The following TMEM109 variants were observed in gnomAD, a reference collection of about 807,000 sequenced individuals.
TMEM109 encodes the protein voltage-gated monoatomic cation channel TMEM109.
In TMEM109, 19 loss-of-function variants were observed where a neutral mutation model predicts 26.4. The observed-to-expected ratio is 0.72, with a 90% CI of 0.50 to 1.06. The LOEUF is 1.06. Ranked by LOEUF, TMEM109 falls within the 50% of genes least tolerant of loss-of-function variation. The probability of loss-of-function intolerance (pLI) is 0.00; values close to 1 mark genes in which losing one functional copy is unlikely to be tolerated. For synonymous variants in TMEM109, 129 were observed against 142.0 expected (o/e 0.91, Z 0.65); for missense variants, 262 against 303.4 (o/e 0.86, Z 1.01).
chr11:60,922,733 G>C lies in TMEM109; in HGVS notation c.*568G>C, dbSNP rs976635077. On this transcript the variant is annotated 3_prime_UTR_variant, in exon 4 of 4. Transcript: ENST00000227525. Reference sequence around the variant, plus strand: ...CTGAGGATAAAGGGTGGGGAAACAGGGTCCCCTGAGGCCTGTGGGGGCTGC... The same window carrying C: ...CTGAGGATAAAGGGTGGGGAAACAGCGTCCCCTGAGGCCTGTGGGGGCTGC... 4 of 217,884 alleles carry C rather than the reference G, an allele frequency of 1.8e-5. No homozygotes were observed. The highest frequency in any genetic ancestry group is 2.8e-5 in the Non-Finnish European group (3 of 106,294). The allele number at this position is 217,884 out of a possible 1,614,324, so 13.5% of individuals were successfully genotyped here. A position where few individuals can be genotyped will look rare whatever the true frequency, so the allele number is the denominator to read the frequency against.
In TMEM109 at chr11:60,922,087, G is replaced by A. The variant is rs758940540; in HGVS notation, c.654G>A (p.Gly218=). ...SGAQLEAKVR[G]LERQVEELRW... is the part of the protein sequence containing the mutation. ...CCCAACTCGAGGCCAAGGTGCGAGGGCTGGAACGCCAGGTGGAGGAGCTGC... is the reference window on the plus strand; with the variant it reads ...CCCAACTCGAGGCCAAGGTGCGAGGACTGGAACGCCAGGTGGAGGAGCTGC... Residue 218 remains glycine (G), a synonymous_variant, in exon 4 of 4, where the codon GGG becomes GGA. Transcript: ENST00000227525. 5.6e-6 allele frequency: 9 copies of A among 1,613,232 alleles called. No homozygotes were observed. The South Asian group carries it at 9.9e-5, about 18-fold the overall frequency.
In TMEM109 at chr11:60,920,161, A is replaced by G. The variant is rs149746201; in HGVS notation, c.237+231A>G. Among the ~76,000 whole-genome samples, 198 of 152,310 alleles carry G rather than the reference A, an allele frequency of 1.3e-3. 3 individuals are homozygous for G. The highest frequency in any genetic ancestry group is 4.6e-3 in the African/African-American group (190 of 41,558). ...TCCTGGCTCCTGCCCTTTCCTTGCCAGAAAGGCTGGGAAATGAGCCATCTT... is the reference window on the plus strand; with the variant it reads ...TCCTGGCTCCTGCCCTTTCCTTGCCGGAAAGGCTGGGAAATGAGCCATCTT... On this transcript the variant is annotated intron_variant, in intron 2 of 3. Coordinates refer to ENST00000227525, the MANE Select transcript of TMEM109 (RefSeq NM_024092.3).
At chr11:60,917,485 T>G (rs1275933415) in intron 1 of TMEM109, among the ~76,000 whole-genome samples, 1 of 152,238 alleles carries the variant, frequency 6.6e-6, no homozygotes, top group African/African-American at 2.4e-5. Flanking sequence ...GTGTACTTTT[T>G]CTTGGCTGAT....
In TMEM109 at chr11:60,922,332, TC is replaced by T. The variant is rs1856254992; in HGVS notation, c.*172del. The T allele has an allele frequency of 1.3e-6, 2 of 1,536,164 alleles. No individual in the cohort carries two copies. Among genetic ancestry groups the T allele is most frequent in the Non-Finnish European group, 8.7e-7 (1 of 1,146,488 alleles). ...GCCAAGAGAAACAGAGAAAGACCAT[TC>T]CCCCTGCCTGTCCTTGCGGCCCTGT... On this transcript the variant is annotated 3_prime_UTR_variant, in exon 4 of 4. Transcript: ENST00000227525.
chr11:60,918,286 C>T lies in TMEM109; in HGVS notation c.-8-1400C>T, dbSNP rs76520719. Among the ~76,000 whole-genome samples, 282 of 152,286 alleles carry T rather than the reference C, an allele frequency of 1.9e-3. 2 individuals are homozygous for T. The highest frequency in any genetic ancestry group is 6.6e-3 in the African/African-American group (274 of 41,536). On this transcript the variant is annotated intron_variant, in intron 1 of 3. Transcript: ENST00000227525. ...ATTTTCTGCTTCCTATAACAGAATG[C>T]CACTGCCTGCGTAGTTTATAATGAA...
At chr11:60,921,678 A>G in intron 3 of TMEM109, 96 bp from the exon 4 acceptor site, 7 of 893,418 alleles carry the variant, frequency 7.8e-6, no homozygotes, top group Admixed American at 2.2e-5. Context: ...ATTCCTTTGC[A>G]ATGTGCCTAG....
intron 1 of TMEM109, among the ~76,000 whole-genome samples, chr11:60,914,631 C>G (rs1442680411): frequency 6.6e-6 from 1 of 152,232 alleles, no homozygotes; most frequent in East Asian, 1.9e-4. Flanking sequence ...CTTCGGGGGG[C>G]CCCAAACTCA....
Position 60,919,876 on chromosome 11 carries a change from G to A in TMEM109, c.183G>A (p.Val61=), listed in dbSNP as rs747946672. The A allele has an allele frequency of 2.5e-6, 4 of 1,614,232 alleles. No homozygotes were observed. In the Admixed American group the frequency reaches 6.7e-5, roughly 27 times the overall value. Residue 61 remains valine (V), a synonymous_variant, in exon 2 of 4, where the codon GTG becomes GTA. Transcript: ENST00000227525. ...VDVLTQIGRS[V]RGTLDAWIGP... ...TCTTGACCCAGATAGGTCGATCTGTGCGAGGGACACTGGATGCCTGGATTG... is the reference window on the plus strand; with the variant it reads ...TCTTGACCCAGATAGGTCGATCTGTACGAGGGACACTGGATGCCTGGATTG...
Position 60,919,831 on chromosome 11 carries a change from G to T in TMEM109, c.138G>T (p.Lys46Asn). 1 of 1,614,214 alleles carries T rather than the reference G, an allele frequency of 6.2e-7. No homozygotes were observed. Among genetic ancestry groups the T allele is most frequent in the Non-Finnish European group, 8.5e-7 (1 of 1,180,040 alleles). The change falls in exon 2 of 4, where the codon AAG becomes AAT. Residue 46 changes from lysine to asparagine, a missense_variant. Coordinates refer to ENST00000227525, the MANE Select transcript of TMEM109 (RefSeq NM_024092.3). ...RRDFAPPGQQ[K>N]REAPVDVLTQ... Reference sequence around the variant, plus strand: ...ACTTTGCACCACCAGGCCAACAGAAGAGAGAAGCCCCAGTTGATGTCTTGA... The same window carrying T: ...ACTTTGCACCACCAGGCCAACAGAATAGAGAAGCCCCAGTTGATGTCTTGA...
In TMEM109 at chr11:60,922,021, C is replaced by T. The variant is rs985033779; in HGVS notation, c.588C>T (p.Tyr196=). 14 of 1,612,910 alleles carry T rather than the reference C, an allele frequency of 8.7e-6. No homozygotes were observed. The highest frequency in any genetic ancestry group is 3.3e-5 in the Admixed American group (2 of 60,016). The part of the protein sequence containing the change: ...ALLLLALLIL[Y]ALLSRLTGSR... ...TACTCCTGGCCTTGCTGATCCTCTA[C>T]GCCCTGCTGAGCCGGCTCACTGGCT... The change falls in exon 4 of 4, where the codon TAC becomes TAT. Residue 196 remains tyrosine, a synonymous_variant. Transcript: ENST00000227525.
chr11:60,914,982 C>T (rs1034123802), intron 1 of TMEM109, among the ~76,000 whole-genome samples: 5 of 152,244 alleles, frequency 3.3e-5, no homozygotes, highest in African/African-American at 4.8e-5. Context: ...AAATAACCTC[C>T]CTCCTCACCT....
At position 60,922,483 on chromosome 11, in the gene TMEM109, C is replaced by G; in HGVS notation, c.*318C>G. The G allele has an allele frequency of 2.1e-6, 2 of 932,694 alleles. No individual in the cohort carries two copies. The highest frequency in any genetic ancestry group is 3.0e-5 in the South Asian group (2 of 65,916). The allele number at this position is 932,694 out of a possible 1,614,324, so 57.8% of individuals were successfully genotyped here. A position where few individuals can be genotyped will look rare whatever the true frequency, so the allele number is the denominator to read the frequency against. On this transcript the variant is annotated 3_prime_UTR_variant, in exon 4 of 4. Coordinates refer to ENST00000227525, the MANE Select transcript of TMEM109 (RefSeq NM_024092.3). Reference sequence around the variant, plus strand: ...CATCTGCGCCAGCAAACATCACTGCCGTTGGTCTCTCATGACTTAACTGGC... The same window carrying G: ...CATCTGCGCCAGCAAACATCACTGCGGTTGGTCTCTCATGACTTAACTGGC...
chr11:60,922,349 G>T lies in TMEM109; in HGVS notation c.*184G>T. The T allele has an allele frequency of 1.3e-6, 2 of 1,534,902 alleles. No individual in the cohort carries two copies. The highest frequency in any genetic ancestry group is 1.7e-6 in the Non-Finnish European group (2 of 1,146,188). On this transcript the variant is annotated 3_prime_UTR_variant, in exon 4 of 4. Coordinates refer to ENST00000227525, the MANE Select transcript of TMEM109 (RefSeq NM_024092.3). Reference sequence around the variant, plus strand: ...AAGACCATTCCCCCTGCCTGTCCTTGCGGCCCTGTCTTCTGAGGTTCTCTG... The same window carrying T: ...AAGACCATTCCCCCTGCCTGTCCTTTCGGCCCTGTCTTCTGAGGTTCTCTG...
At chr11:60,915,191 G>A (rs150433412) in intron 1 of TMEM109, among the ~76,000 whole-genome samples, 2,509 of 152,346 alleles carry the variant, frequency 0.016, 26 homozygotes, top group Non-Finnish European at 0.024. Flanking sequence ...CAGTGGTAAT[G>A]TGTGTGCTGC....
At chr11:60,921,133 C>A in intron 3 of TMEM109, 145 bp downstream of exon 3, 1 of 691,366 alleles carries the variant, frequency 1.4e-6, no homozygotes, top group Non-Finnish European at 2.4e-6. Context: ...AAAGAGCAAG[C>A]CAAGAACTAC....
In TMEM109 at chr11:60,922,622, T is replaced by G. The variant is rs1856260091; in HGVS notation, c.*457T>G. The G allele has an allele frequency of 5.8e-6, 2 of 347,578 alleles. No homozygotes were observed. Among genetic ancestry groups the G allele is most frequent in the African/African-American group, 2.1e-5 (1 of 46,682 alleles). 21.5% of individuals were successfully genotyped at this position (347,578 alleles called of 1,614,324 possible). On this transcript the variant is annotated 3_prime_UTR_variant, in exon 4 of 4. Coordinates refer to ENST00000227525, the MANE Select transcript of TMEM109 (RefSeq NM_024092.3). Reference sequence around the variant, plus strand: ...TCTTGTTTTCCTCATCCTCCTACCCTGTACTCCCACCAAACCATGGTCCTT... The same window carrying G: ...TCTTGTTTTCCTCATCCTCCTACCCGGTACTCCCACCAAACCATGGTCCTT...
rs761700111 is a variant in TMEM109 at position 60,922,594 on chromosome 11, CCTT to C, written c.*433_*435del. Reference sequence around the variant, plus strand: ...TGCTCCTTGGCCAAATCTCCAGCTCCCTTCTTGTTTTCCTCATCCTCCTACCCT... The same window carrying C: ...TGCTCCTTGGCCAAATCTCCAGCTCCCTTGTTTTCCTCATCCTCCTACCCT... On this transcript the variant is annotated 3_prime_UTR_variant, in exon 4 of 4. Coordinates refer to ENST00000227525, the MANE Select transcript of TMEM109 (RefSeq NM_024092.3). 5.4e-6 allele frequency: 2 copies of C among 368,082 alleles called. No individual in the cohort carries two copies. The highest frequency in any genetic ancestry group is 5.3e-6 in the Non-Finnish European group (1 of 190,170). The allele number at this position is 368,082 out of a possible 1,614,324, so 22.8% of individuals were successfully genotyped here. A position where few individuals can be genotyped will look rare whatever the true frequency, so the allele number is the denominator to read the frequency against.
At chr11:60,919,658 T>A in intron 1 of TMEM109, 28 bp from the exon 2 acceptor site, 1 of 1,580,868 alleles carries the variant, frequency 6.3e-7, no homozygotes, top group Non-Finnish European at 8.7e-7. Flanking sequence ...ACCATGGCAC[T>A]CAGCTCACTG....
intron 1 of TMEM109, 60 bp downstream of exon 1, chr11:60,914,328 C>T (rs1334979650): frequency 6.6e-6 from 1 of 152,426 alleles, no homozygotes; most frequent in Non-Finnish European, 1.5e-5. Context: ...ACAGCAGCCG[C>T]TGCAGGCGGC....
Sources: allele counts gnomAD v4.1 joint callset (sites outside exome capture counted in the v4.1 genomes callset), GRCh38; gene constraint gnomAD v4.1.1; transcripts MANE v1.5; gene names NCBI Gene and HGNC (gene_info 2026-07-23, HGNC 2026-07-21).